Variants in NUP210 observed in about 807,000 individuals in gnomAD.
The protein encoded by NUP210 is nucleoporin 210, also known as nuclear pore membrane glycoprotein 210.
A neutral mutation model predicts 196.0 loss-of-function variants in NUP210; 151 were observed. That is an observed-to-expected ratio of 0.77 (90% CI 0.67 to 0.88). The LOEUF is 0.88. Among genes scored for constraint, NUP210 ranks in the 40% least tolerant of loss-of-function variants. The pLI is 0.00. For synonymous variants in NUP210, 1,070 were observed against 1,052.7 expected, an observed-to-expected ratio of 1.02 and a Z score of -0.32; for missense variants, 2,314 against 2,493.7, an observed-to-expected ratio of 0.93 and a Z score of 1.53.
In NUP210 at chr3:13,319,187, C is replaced by T. The variant is rs550245584; in HGVS notation, c.5480-32G>A. ...GAGCACAGGGTTGGTTAGAGCAGGT[C>T]GGGGCAGGGGAACAGACCCAGAGAT... On this transcript the variant is annotated intron_variant, in intron 38 of 39. Transcript: ENST00000254508. The T allele has an allele frequency of 6.2e-6, 10 of 1,611,266 alleles. No homozygotes were observed. The African/African-American group carries it at 6.7e-5, about 11-fold the overall frequency.
At chr3:13,397,932 GA>G (rs1457845344) in intron 2 of NUP210, among the ~76,000 whole-genome samples, 2 of 152,214 alleles carry the variant, frequency 1.3e-5, no homozygotes, top group Non-Finnish European at 2.9e-5. Flanking sequence ...GTATAGTACA[GA>G]AGGGGCTGGT....
Position 13,319,832 on chromosome 3 carries a change from C to T in NUP210, c.5314G>A (p.Val1772Met), listed in dbSNP as rs139592362. Residue 1772 changes from valine to methionine, a missense_variant, in exon 37 of 40, where the codon GTG becomes ATG. Transcript: ENST00000254508. ...GGGATGGCAATGGCTTGGTTGGTCA[C>T]GGGGCTGGAGAAGGTCAGGGTAGTG... Reference protein sequence around the residue: ...LSTTLTFSSPVTNQAIAIPVT... With the variant: ...LSTTLTFSSPMTNQAIAIPVT... 3.4e-5 allele frequency: 55 copies of T among 1,614,186 alleles called. No individual in the cohort carries two copies. In the African/African-American group the frequency reaches 5.2e-4, roughly 15 times the overall value.
intron 9 of NUP210, among the ~76,000 whole-genome samples, chr3:13,376,915 G>C (rs1374061526): frequency 6.6e-6 from 1 of 151,760 alleles, no homozygotes; most frequent in East Asian, 1.9e-4. Context: ...GCTCACTGAC[G>C]AGCCTGGAAT....
At chr3:13,397,253 G>T in intron 3 of NUP210, 104 bp downstream of exon 3, 1 of 1,393,378 alleles carries the variant, frequency 7.2e-7, no homozygotes, top group Non-Finnish European at 9.7e-7. Context: ...GGGACCTGCA[G>T]GGTTGGATGC....
chr3:13,372,063 C>G, intron 12 of NUP210, 31 bp from the exon 13 acceptor site: 1 of 1,523,370 alleles, frequency 6.6e-7, no homozygotes, highest in Non-Finnish European at 8.9e-7. Flanking sequence ...CTGGGCTCAG[C>G]TGCCTCCACA....
In NUP210 at chr3:13,358,296, G is replaced by T. The variant is rs747042109; in HGVS notation, c.2254C>A (p.Leu752Ile). 3 of 1,613,758 alleles carry T rather than the reference G, an allele frequency of 1.9e-6. No homozygotes were observed. In the African/African-American group the frequency reaches 4.0e-5, roughly 22 times the overall value. ...VKFVCAPPSRLTLAPVYTSPQ... is the reference protein window; with the variant it reads ...VKFVCAPPSRITLAPVYTSPQ... The stretch of plus-strand genomic sequence containing the variant: ...CTGGTGTAGACAGGCGCGAGGGTGA[G>T]CCTGGACGGTGGGGCGCAGACGAAC... Residue 752 changes from leucine (L) to isoleucine (I), a missense_variant, in exon 16 of 40, where the codon CTC becomes ATC. Leu to Ile is a conservative substitution (Grantham distance 5, BLOSUM62 2). Coordinates refer to ENST00000254508, the MANE Select transcript of NUP210 (RefSeq NM_024923.4).
At chr3:13,360,588 G>C in intron 14 of NUP210, 97 bp from the exon 15 acceptor site, 1 of 912,422 alleles carries the variant, frequency 1.1e-6, no homozygotes, top group Non-Finnish European at 1.6e-6. Flanking sequence ...GCTTGTGGGG[G>C]CTGGTGGTCA....
Position 13,388,189 on chromosome 3 carries a change from C to A in NUP210, c.684+114G>T. 3 of 729,206 alleles carry A rather than the reference C, an allele frequency of 4.1e-6. No individual in the cohort carries two copies. The East Asian group carries it at 8.6e-5, about 21-fold the overall frequency. The allele number at this position is 729,206 out of a possible 1,614,324, so 45.2% of individuals were successfully genotyped here. A position where few individuals can be genotyped will look rare whatever the true frequency, so the allele number is the denominator to read the frequency against. On this transcript the variant is annotated intron_variant, in intron 5 of 39. Transcript: ENST00000254508. ...CCCACATCCTGAAATCACGGGACAG[C>A]ATCTCACTTCCACTATTCAACGTGC... is the stretch of plus-strand genomic sequence containing the variant.
In NUP210 at chr3:13,372,015, G is replaced by A. The variant is rs1191138204; in HGVS notation, c.1605C>T (p.Pro535=). 4 of 1,583,286 alleles carry A rather than the reference G, an allele frequency of 2.5e-6. No individual in the cohort carries two copies. Among genetic ancestry groups the A allele is most frequent in the Non-Finnish European group, 3.4e-6 (4 of 1,163,576 alleles). The part of the protein sequence containing the change: ...FGEMKVYVIE[P]HSMEFAPCQV... ...GGCACGGGGCAAACTCCATGCTGTGGGGCTCGATCACATACACCTGGAAGA... is the reference window on the plus strand; with the variant it reads ...GGCACGGGGCAAACTCCATGCTGTGAGGCTCGATCACATACACCTGGAAGA... Residue 535 remains proline, a synonymous_variant, in exon 13 of 40, where the codon CCC becomes CCT. Coordinates refer to ENST00000254508, the MANE Select transcript of NUP210 (RefSeq NM_024923.4).
intron 5 of NUP210, among the ~76,000 whole-genome samples, chr3:13,387,019 T>G (rs1699301168): frequency 6.6e-6 from 1 of 152,216 alleles, no homozygotes; most frequent in African/African-American, 2.4e-5. Flanking sequence ...TTTGGCCTGT[T>G]TGATGGCAGT....
intron 20 of NUP210, 80 bp downstream of exon 20, chr3:13,351,799 A>G (rs759704939): frequency 2.0e-5 from 19 of 957,310 alleles, no homozygotes; most frequent in Non-Finnish European, 2.8e-5. Flanking sequence ...GCTAGCTTTC[A>G]AAATGATCAA....
intron 39 of NUP210, among the ~76,000 whole-genome samples, chr3:13,318,487 T>G (rs1011833632): frequency 3.3e-5 from 5 of 152,168 alleles, no homozygotes. Flanking sequence ...TCGAGGACTC[T>G]TTGTGTAGGG....
At chr3:13,320,297 C>A (rs1483711029) in intron 36 of NUP210, among the ~76,000 whole-genome samples, 1 of 152,218 alleles carries the variant, frequency 6.6e-6, no homozygotes, top group Non-Finnish European at 1.5e-5. Context: ...ATGTCAGAAT[C>A]AAATTCAAGC....
chr3:13,355,854 A>G (rs1698156103), intron 16 of NUP210, among the ~76,000 whole-genome samples: 2 of 152,236 alleles, frequency 1.3e-5, no homozygotes, highest in Non-Finnish European at 2.9e-5. Context: ...CCTCCAGGGA[A>G]GGAAATTGAC....
Position 13,379,633 on chromosome 3 carries a change from G to C in NUP210, c.906C>G (p.Val302=). The C allele has an allele frequency of 6.2e-7, 1 of 1,614,120 alleles. No homozygotes were observed. The highest frequency in any genetic ancestry group is 8.5e-7 in the Non-Finnish European group (1 of 1,180,016). ...TGACCATCGACGTGTCCTGGGCCAA[G>C]ACAGCCACCGGCCGGGCTGGGTCTC... ...PEGDPARPVA[V]LAQDTSMVTA... Residue 302 remains valine (V), a synonymous_variant, in exon 7 of 40, where the codon GTC becomes GTG. Transcript: ENST00000254508. The surrounding 1 kb of genome is among the most constrained non-coding windows in gnomAD (Gnocchi z 4.2).
At chr3:13,376,500 G>A (rs759998461) in intron 9 of NUP210, 69 bp from the exon 10 acceptor site, 36 of 1,579,952 alleles carry the variant, frequency 2.3e-5, no homozygotes, top group Middle Eastern at 3.4e-4. Flanking sequence ...ATTTGGGCAC[G>A]AAGCTACAGG....
intron 13 of NUP210, among the ~76,000 whole-genome samples, chr3:13,371,416 A>G (rs1328023972): frequency 2.6e-5 from 4 of 152,222 alleles, no homozygotes; most frequent in East Asian, 1.9e-4. Flanking sequence ...GACTCCACCA[A>G]TGTCACCATC....
Position 13,386,275 on chromosome 3 carries a change from CT to C in NUP210, c.816del (p.Glu273AsnfsTer76), listed in dbSNP as rs1422997069. 2 of 1,612,332 alleles carry C rather than the reference CT, an allele frequency of 1.2e-6. No homozygotes were observed. The highest frequency in any genetic ancestry group is 1.7e-6 in the Non-Finnish European group (2 of 1,179,116). ...KVQKIRQGKI[T>X]ELSMPSDQYE... is the part of the protein sequence containing the mutation. ...CATGATGGCAGAGCCAATGACACAC[CT>C]GTAATTTTCCCTTGCCTGATCTTCT... On this transcript the variant is annotated frameshift_variant and splice_region_variant, in exon 6 of 40. Transcript: ENST00000254508. LOFTEE classifies it high-confidence loss of function.
intron 12 of NUP210, 24 bp from the exon 13 acceptor site, chr3:13,372,056 G>A: frequency 2.0e-6 from 3 of 1,533,268 alleles, no homozygotes; most frequent in Non-Finnish European, 2.6e-6. Context: ...GCATGGCCTG[G>A]GCTCAGCTGC....
Sources: gnomAD v4.1 joint callset for allele counts (sites outside exome capture counted in the v4.1 genomes callset) on GRCh38, gnomAD v4.1.1 for gene constraint, Gnocchi (gnomAD v3.1) non-coding constraint, MANE v1.5 for transcripts, NCBI Gene and HGNC (gene_info 2026-07-23, HGNC 2026-07-21) for gene names.